Variants in ANTXR1 observed in about 807,000 individuals in gnomAD.
The protein encoded by ANTXR1 is ANTXR cell adhesion molecule 1, also known as anthrax toxin receptor 1.
Under a neutral mutation model 78.1 loss-of-function variants are expected in ANTXR1, and 19 were observed. That is an observed-to-expected ratio of 0.24 (90% confidence interval 0.17 to 0.36). The LOEUF is 0.36. Ranked by LOEUF, ANTXR1 falls within the 10% of genes least tolerant of loss-of-function variation. The pLI is 1.00. For synonymous variants in ANTXR1, 273 were observed against 260.5 expected (o/e 1.05, Z -0.46); for missense variants, 518 against 718.6 (o/e 0.72, Z 3.19).
intron 10 of ANTXR1, among the ~76,000 whole-genome samples, chr2:69,109,653 A>G (rs749549534): frequency 2.6e-5 from 4 of 152,226 alleles, no homozygotes; most frequent in African/African-American, 9.6e-5. Flanking sequence ...ACTTGGAAAA[A>G]CAGTTAAGTT....
rs576011378 is a variant in ANTXR1, at chr2:69,151,511, G to A, written c.952-658G>A. Among the ~76,000 whole-genome samples, 11 of 152,224 alleles carry A rather than the reference G, an allele frequency of 7.2e-5. No homozygotes were observed. The South Asian group carries it at 2.1e-3, about 29-fold the overall frequency. On this transcript the variant is annotated intron_variant, in intron 12 of 17. Coordinates refer to ENST00000303714, the MANE Select transcript of ANTXR1 (RefSeq NM_032208.3). ...CGCAGTCCACAGAAACTGTGTCTAG[G>A]ACTGGCCTCGCCACATTTTTAGGTG...
At chr2:69,204,660 T>TC (rs1674854229) in intron 17 of ANTXR1, among the ~76,000 whole-genome samples, 1 of 151,878 alleles carries the variant, frequency 6.6e-6, no homozygotes, top group African/African-American at 2.4e-5. Flanking sequence ...TCTCCTTGAG[T>TC]CCTCACCCCA....
At chr2:69,084,490 A>C (rs1670988105) in intron 8 of ANTXR1, among the ~76,000 whole-genome samples, 1 of 152,200 alleles carries the variant, frequency 6.6e-6, no homozygotes, top group Non-Finnish European at 1.5e-5. Flanking sequence ...GTTGCATGTA[A>C]GCGTGGTATA....
intron 1 of ANTXR1, among the ~76,000 whole-genome samples, chr2:69,015,158 T>C (rs1450987095): frequency 6.6e-6 from 1 of 151,290 alleles, no homozygotes; most frequent in Non-Finnish European, 1.5e-5. Flanking sequence ...ACTGTAGAGA[T>C]AACCAGTTTT....
chr2:69,122,478 C>T (rs147998639), intron 10 of ANTXR1, among the ~76,000 whole-genome samples: 215 of 152,304 alleles, frequency 1.4e-3, no homozygotes, highest in African/African-American at 4.8e-3. Flanking sequence ...AGTTCACTCA[C>T]TATTTTCTCA....
At chr2:69,086,306 C>T (rs531623356) in intron 8 of ANTXR1, among the ~76,000 whole-genome samples, 5 of 152,186 alleles carry the variant, frequency 3.3e-5, no homozygotes, top group Non-Finnish European at 7.3e-5. Flanking sequence ...TGACAAAGGA[C>T]ATTAGATTTT....
intron 1 of ANTXR1, among the ~76,000 whole-genome samples, chr2:69,016,229 A>G (rs11126211): frequency 0.19 from 28,985 of 152,174 alleles, 4,556 homozygotes; most frequent in African/African-American, 0.43. Context: ...CGATTGAGGA[A>G]GTGAATTTTT....
intron 12 of ANTXR1, among the ~76,000 whole-genome samples, chr2:69,124,879 A>G (rs1423317188): frequency 6.6e-6 from 1 of 152,144 alleles, no homozygotes; most frequent in Non-Finnish European, 1.5e-5. Context: ...ATTTCTGCTG[A>G]AGGGGAGATC....
At chr2:69,120,520 T>G (rs1672311851) in intron 10 of ANTXR1, among the ~76,000 whole-genome samples, 1 of 151,862 alleles carries the variant, frequency 6.6e-6, no homozygotes, top group Admixed American at 6.6e-5. Context: ...ATATAGAAAT[T>G]AGGTGGGCCT....
At chr2:69,229,900 T>C (rs1450931310) in intron 17 of ANTXR1, among the ~76,000 whole-genome samples, 1 of 152,178 alleles carries the variant, frequency 6.6e-6, no homozygotes, top group African/African-American at 2.4e-5. Flanking sequence ...GAAGAGATGA[T>C]GGTCAGTACC....
intron 8 of ANTXR1, among the ~76,000 whole-genome samples, chr2:69,088,034 A>T (rs1671109628): frequency 6.6e-6 from 1 of 152,192 alleles, no homozygotes; most frequent in Non-Finnish European, 1.5e-5. Flanking sequence ...GTTTTAAGTT[A>T]AGATTGGGAA....
intron 10 of ANTXR1, among the ~76,000 whole-genome samples, chr2:69,115,718 G>A (rs1672118782): frequency 6.6e-6 from 1 of 152,212 alleles, no homozygotes; most frequent in Non-Finnish European, 1.5e-5. Flanking sequence ...TACAGACCCA[G>A]GAAACTTACC....
intron 17 of ANTXR1, among the ~76,000 whole-genome samples, chr2:69,218,436 T>C (rs1310793552): frequency 6.6e-6 from 1 of 152,190 alleles, no homozygotes; most frequent in Non-Finnish European, 1.5e-5. Flanking sequence ...GTGTTGTCGG[T>C]GTAAAAGTAA....
At chr2:69,125,594 A>C (rs923813963) in intron 12 of ANTXR1, among the ~76,000 whole-genome samples, 1 of 152,174 alleles carries the variant, frequency 6.6e-6, no homozygotes, top group African/African-American at 2.4e-5. Flanking sequence ...TAATCCCAGC[A>C]CTTTGGGAGG....
intron 17 of ANTXR1, among the ~76,000 whole-genome samples, chr2:69,235,046 G>C (rs1190424749): frequency 7.5e-4 from 94 of 125,578 alleles, no homozygotes; most frequent in Non-Finnish European, 1.4e-3. Flanking sequence ...TTTTTGAGAC[G>C]GAGTTTCACT....
At chr2:69,080,958 G>C (rs7598700) in intron 8 of ANTXR1, among the ~76,000 whole-genome samples, 1 of 152,010 alleles carries the variant, frequency 6.6e-6, no homozygotes, top group African/African-American at 2.4e-5. Flanking sequence ...CTATAGCTAG[G>C]TACAGAGTCT....
chr2:69,165,704 G>A (rs1353274843), intron 13 of ANTXR1, among the ~76,000 whole-genome samples: 4 of 152,254 alleles, frequency 2.6e-5, no homozygotes, highest in African/African-American at 9.6e-5. Flanking sequence ...GCCGTCATCT[G>A]GTAGGTGGGA....
intron 1 of ANTXR1, among the ~76,000 whole-genome samples, chr2:69,018,118 T>A (rs985275379): frequency 6.6e-6 from 1 of 152,132 alleles, no homozygotes; most frequent in Non-Finnish European, 1.5e-5. Flanking sequence ...GAGTAAACGC[T>A]GAGCAGCTTT....
intron 9 of ANTXR1, among the ~76,000 whole-genome samples, chr2:69,091,950 C>A (rs1349013377): frequency 2.0e-5 from 3 of 152,306 alleles, no homozygotes; most frequent in African/African-American, 4.8e-5. Flanking sequence ...TTCCCCATCA[C>A]TCTTCTTTCA....
Sources: gnomAD v4.1 joint callset for allele counts (sites outside exome capture counted in the v4.1 genomes callset) on GRCh38, gnomAD v4.1.1 for gene constraint, MANE v1.5 for transcripts, NCBI Gene and HGNC (gene_info 2026-07-23, HGNC 2026-07-21) for gene names.